Variants in TMEM26 observed in about 807,000 individuals in gnomAD.
TMEM26 encodes the protein transmembrane protein 26.
A neutral mutation model predicts 28.8 loss-of-function variants in TMEM26; 38 were observed. The observed-to-expected ratio is 1.32, with a 90% CI of 1.02 to 1.73. The LOEUF is 1.73. Ranked by LOEUF, TMEM26 falls within the 40% of genes most tolerant of loss-of-function variation. The pLI is 0.00. For synonymous variants in TMEM26, 227 were observed against 182.9 expected, an observed-to-expected ratio of 1.24 and a Z score of -1.95; for missense variants, 518 against 447.1, an observed-to-expected ratio of 1.16 and a Z score of -1.43.
At chr10:61,429,240 T>C in intron 3 of TMEM26, 94 bp from the exon 4 acceptor site, 1 of 1,007,048 alleles carries the variant, frequency 9.9e-7, no homozygotes, top group Non-Finnish European at 1.5e-6. Flanking sequence ...GAGTTTGCTT[T>C]TGTAGAGAGT....
chr10:61,436,171 TG>T lies in TMEM26; in HGVS notation c.268del (p.Gln90SerfsTer24). On this transcript the variant is annotated frameshift_variant and splice_region_variant, in exon 2 of 6. Coordinates refer to ENST00000399298, the MANE Select transcript of TMEM26 (RefSeq NM_178505.8). LOFTEE classifies it high-confidence loss of function. ...LWLLELHHETQYCSIQAEGTS... is the reference protein window; with the variant it reads ...LWLLELHHETXYCSIQAEGTS... ...TTCCTACTTTCCAAAAAGAAGTACC[TG>T]GGTCTCATGGTGCAATTCAAGAAGC... 6.3e-7 allele frequency: 1 copy of T among 1,592,040 alleles called. No homozygotes were observed. Among genetic ancestry groups the T allele is most frequent in the Non-Finnish European group, 8.6e-7 (1 of 1,162,720 alleles).
intron 1 of TMEM26, among the ~76,000 whole-genome samples, chr10:61,445,170 G>A (rs1220368333): frequency 1.3e-5 from 2 of 152,172 alleles, no homozygotes; most frequent in South Asian, 4.1e-4. Context: ...TTGATAAGTG[G>A]TGCCACCTCC....
At chr10:61,434,110 G>T (rs1336935308) in intron 2 of TMEM26, among the ~76,000 whole-genome samples, 1 of 152,016 alleles carries the variant, frequency 6.6e-6, no homozygotes, top group Non-Finnish European at 1.5e-5. Context: ...CCTTTATTCT[G>T]CCATTTCTTC....
Position 61,436,213 on chromosome 10 carries a change from A to G in TMEM26, c.227T>C (p.Ile76Thr). 1.9e-6 allele frequency: 3 copies of G among 1,609,326 alleles called. No homozygotes were observed. Among genetic ancestry groups the G allele is most frequent in the Non-Finnish European group, 2.5e-6 (3 of 1,177,668 alleles). ...SPAIFLYLIS[I>T]VPSLWLLELH... ...TTCAAGAAGCCATAATGATGGAACG[A>G]TGCTAATCAGATATAAAAATATGGC... is the stretch of plus-strand genomic sequence containing the variant. Residue 76 changes from isoleucine (I) to threonine (T), a missense_variant, in exon 2 of 6, where the codon ATC becomes ACC. Coordinates refer to ENST00000399298, the MANE Select transcript of TMEM26 (RefSeq NM_178505.8).
chr10:61,415,226 A>G (rs1839632396), intron 4 of TMEM26: 2 of 863,890 alleles, frequency 2.3e-6, no homozygotes, highest in Non-Finnish European at 2.8e-6. Flanking sequence ...GGGCTCAAAG[A>G]TTTTCCCTAA....
chr10:61,418,833 A>C (rs575296444), intron 4 of TMEM26, among the ~76,000 whole-genome samples: 2 of 152,220 alleles, frequency 1.3e-5, no homozygotes, highest in South Asian at 2.1e-4. Context: ...TGGCTGACTG[A>C]GAAACTGCAG....
At position 61,444,596 on chromosome 10, in the gene TMEM26, A is replaced by C. The variant is rs117300307; in HGVS notation, c.191+8295T>G. On this transcript the variant is annotated intron_variant, in intron 1 of 5. Transcript: ENST00000399298. ...TGTGGACTTCCCTACATTGTGTTCT[A>C]AGCAAAATCATCGCAGTCTTCCTTT... Among the ~76,000 whole-genome samples the C allele has an allele frequency of 7.7e-3, 1,163 of 151,658 alleles. 9 individuals carry two copies. Among genetic ancestry groups the C allele is most frequent in the African/African-American group, 0.022 (924 of 41,256 alleles).
intron 1 of TMEM26, among the ~76,000 whole-genome samples, chr10:61,437,167 T>C (rs1475987152): frequency 6.6e-6 from 1 of 152,146 alleles, no homozygotes; most frequent in Non-Finnish European, 1.5e-5. Flanking sequence ...GATATCCGTC[T>C]CTTCTTCTTC....
intron 2 of TMEM26, among the ~76,000 whole-genome samples, chr10:61,435,768 T>C (rs539148183): frequency 4.6e-5 from 7 of 152,320 alleles, no homozygotes; most frequent in African/African-American, 1.7e-4. Flanking sequence ...TTCCTAAAAG[T>C]GTCACTTTAC....
chr10:61,413,582 C>T (rs1839604167), intron 4 of TMEM26, 47 bp from the exon 5 acceptor site: 5 of 1,550,580 alleles, frequency 3.2e-6, no homozygotes, highest in Admixed American at 4.0e-5. Context: ...AGTATGATCA[C>T]ATGCAGAAAA....
intron 1 of TMEM26, among the ~76,000 whole-genome samples, chr10:61,437,132 A>T (rs1840020907): frequency 6.6e-6 from 1 of 152,214 alleles, no homozygotes; most frequent in Non-Finnish European, 1.5e-5. Flanking sequence ...TGACACGTAG[A>T]CAGTGCCTTC....
At position 61,436,209 on chromosome 10, in the gene TMEM26, A is replaced by G. The variant is rs756830523; in HGVS notation, c.231T>C (p.Val77=). ...PAIFLYLISI[V]PSLWLLELHH... ...GCAATTCAAGAAGCCATAATGATGG[A>G]ACGATGCTAATCAGATATAAAAATA... The change falls in exon 2 of 6, where the codon GTT becomes GTC. Residue 77 remains valine (V), a synonymous_variant. Coordinates refer to ENST00000399298, the MANE Select transcript of TMEM26 (RefSeq NM_178505.8). 1.9e-6 allele frequency: 3 copies of G among 1,610,718 alleles called. No homozygotes were observed. In the South Asian group the frequency reaches 3.3e-5, roughly 18 times the overall value.
At chr10:61,416,683 T>A (rs537588222) in intron 4 of TMEM26, among the ~76,000 whole-genome samples, 1 of 152,132 alleles carries the variant, frequency 6.6e-6, no homozygotes, top group Non-Finnish European at 1.5e-5. Flanking sequence ...ATAGTGTGGA[T>A]GTAAATGCAA....
chr10:61,443,461 T>A (rs1408498325), intron 1 of TMEM26, among the ~76,000 whole-genome samples: 2 of 145,144 alleles, frequency 1.4e-5, no homozygotes, highest in African/African-American at 5.5e-5. Context: ...GGAGACTCCA[T>A]CTCAAAAAAA....
At chr10:61,436,274 G>A in intron 1 of TMEM26, 26 bp from the exon 2 acceptor site, 3 of 1,438,834 alleles carry the variant, frequency 2.1e-6, no homozygotes, top group Non-Finnish European at 2.8e-6. Context: ...AGAAAAAATA[G>A]TTTAGCTAAT....
In TMEM26 at chr10:61,406,686, G is replaced by T. The variant is rs954692302; in HGVS notation, c.*3636C>A. On this transcript the variant is annotated 3_prime_UTR_variant, in exon 6 of 6. Coordinates refer to ENST00000399298, the MANE Select transcript of TMEM26 (RefSeq NM_178505.8). ...TTTAATGCATATAATAAAATACAAAGGCCACTCATAGCAAAATAGTATAAA... is the reference window on the plus strand; with the variant it reads ...TTTAATGCATATAATAAAATACAAATGCCACTCATAGCAAAATAGTATAAA... 5.9e-5 allele frequency: 9 copies of T among 151,772 alleles called. No homozygotes were observed. The highest frequency in any genetic ancestry group is 1.9e-4 in the African/African-American group (8 of 41,324). 9.4% of individuals were successfully genotyped at this position (151,772 alleles called of 1,614,324 possible). A position where few individuals can be genotyped will look rare whatever the true frequency, so the allele number is the denominator to read the frequency against.
intron 1 of TMEM26, among the ~76,000 whole-genome samples, chr10:61,441,083 GT>G (rs375221072): frequency 2.1e-4 from 32 of 151,832 alleles, no homozygotes; most frequent in Admixed American, 1.2e-3. Flanking sequence ...ATTTTATTGT[GT>G]TTTTTTTCCC....
At chr10:61,422,461 G>A (rs1047290890) in intron 4 of TMEM26, among the ~76,000 whole-genome samples, 2 of 152,038 alleles carry the variant, frequency 1.3e-5, no homozygotes, top group Admixed American at 1.3e-4. Flanking sequence ...TAGATCCTCA[G>A]AAGAAAATAG....
chr10:61,423,769 G>A (rs889152508), intron 4 of TMEM26, among the ~76,000 whole-genome samples: 9 of 152,016 alleles, frequency 5.9e-5, no homozygotes, highest in Admixed American at 5.2e-4. Context: ...TAATAAAGTA[G>A]AATTTATCTC....
Sources: gnomAD v4.1 joint callset for allele counts (sites outside exome capture counted in the v4.1 genomes callset) on GRCh38, gnomAD v4.1.1 for gene constraint, MANE v1.5 for transcripts, NCBI Gene and HGNC (gene_info 2026-07-23, HGNC 2026-07-21) for gene names.